The following ASIC2 variants were observed in gnomAD, a reference collection of about 807,000 sequenced individuals.
ASIC2 encodes the protein acid sensing ion channel subunit 2.
Under a neutral mutation model 57.3 loss-of-function variants are expected in ASIC2, and 25 were observed. The ratio of observed to expected loss-of-function variants is 0.44; its 90% CI spans 0.32 to 0.61. The LOEUF (loss-of-function observed/expected upper bound fraction) is 0.61. Among genes scored for constraint, ASIC2 ranks in the 20% least tolerant of loss-of-function variants. The pLI is 0.06. For missense variants in ASIC2, 641 were observed against 738.1 expected, an observed-to-expected ratio of 0.87 and a Z score of 1.52; for synonymous variants, 319 against 307.5, an observed-to-expected ratio of 1.04 and a Z score of -0.39.
At chr17:33,073,362 G>C (rs1179389962) in intron 3 of ASIC2, among the ~76,000 whole-genome samples, 1 of 152,176 alleles carries the variant, frequency 6.6e-6, no homozygotes. Context: ...GAAGGCTCTG[G>C]TCCCTTTGCT....
chr17:33,089,175 A>G (rs938369080), intron 2 of ASIC2, among the ~76,000 whole-genome samples, 185 bp from the exon 3 acceptor site: 1 of 152,214 alleles, frequency 6.6e-6, no homozygotes. Context: ...CAAAAGGGAC[A>G]TTGCAGGTGT....
intron 1 of ASIC2, among the ~76,000 whole-genome samples, chr17:33,677,619 G>A (rs575525902): frequency 6.6e-6 from 1 of 152,112 alleles, no homozygotes; most frequent in Non-Finnish European, 1.5e-5. Flanking sequence ...CAACTCTCAC[G>A]GATGGCTTTG....
At chr17:33,438,369 A>G (rs1911702322) in intron 1 of ASIC2, among the ~76,000 whole-genome samples, 1 of 152,240 alleles carries the variant, frequency 6.6e-6, no homozygotes, top group Admixed American at 6.5e-5. Context: ...TTACATAGAC[A>G]GTCCAAGGTT....
chr17:33,657,511 C>T (rs1406056755), intron 1 of ASIC2, among the ~76,000 whole-genome samples: 2 of 152,200 alleles, frequency 1.3e-5, no homozygotes, highest in African/African-American at 4.8e-5. Flanking sequence ...ATTGGGGGTC[C>T]TGAGCCAGCT....
At chr17:34,036,499 G>A (rs1023047780) in intron 1 of ASIC2, among the ~76,000 whole-genome samples, 4 of 150,748 alleles carry the variant, frequency 2.7e-5, no homozygotes, top group South Asian at 2.1e-4. Flanking sequence ...TTGTGCACAC[G>A]TACCCTAAAA....
intron 1 of ASIC2, among the ~76,000 whole-genome samples, chr17:33,309,673 C>T (rs901781748): frequency 1.3e-5 from 2 of 152,020 alleles, no homozygotes; most frequent in Non-Finnish European, 2.9e-5. Flanking sequence ...CAATACTGTC[C>T]ACAAAGCTGA....
chr17:34,156,140 G>A lies in ASIC2; in HGVS notation c.393C>T (p.Pro131=). ...TCTGCCGCAGGGCCTCCAGCACGGA[G>A]GGGTCAGCCAGATGGGGGTCCGGGA... Residue 131 remains proline, a synonymous_variant, in exon 1 of 10, where the codon CCC becomes CCT. Coordinates refer to the ASIC2 transcript ENST00000359872. The surrounding 1 kb of genome is among the most constrained non-coding windows in gnomAD (Gnocchi z 4.4). 1 of 1,614,138 alleles carries A rather than the reference G, an allele frequency of 6.2e-7. No homozygotes were observed. Among genetic ancestry groups the A allele is most frequent in the Non-Finnish European group, 8.5e-7 (1 of 1,180,032 alleles).
At chr17:33,915,867 G>A (rs1437248849) in intron 1 of ASIC2, among the ~76,000 whole-genome samples, 1 of 152,194 alleles carries the variant, frequency 6.6e-6, no homozygotes, top group African/African-American at 2.4e-5. Context: ...TTGTGGGGAA[G>A]ATGGCATAGG....
intron 1 of ASIC2, among the ~76,000 whole-genome samples, chr17:33,878,865 G>T (rs1394963901): frequency 6.6e-6 from 1 of 152,138 alleles, no homozygotes; most frequent in Admixed American, 6.5e-5. Context: ...GAGAAAGGTC[G>T]GGTTACCCAC....
chr17:33,232,987 C>T (rs1241693065), intron 1 of ASIC2, among the ~76,000 whole-genome samples: 1 of 152,072 alleles, frequency 6.6e-6, no homozygotes, highest in East Asian at 1.9e-4. Flanking sequence ...GGAGTGAGGC[C>T]TGTCTTTCAC....
Position 33,809,153 on chromosome 17 carries a change from G to A in ASIC2, c.555+346825C>T, listed in dbSNP as rs113974554. 1.1e-3 allele frequency among the ~76,000 whole-genome samples: 161 copies of A among 152,238 alleles called. 1 individual carries two copies. The highest frequency in any genetic ancestry group is 3.7e-3 in the African/African-American group (152 of 41,548). On this transcript the variant is annotated intron_variant, in intron 1 of 9. Transcript: ENST00000359872. ...TCAGAGTGACCTCTGGATCCACATC[G>A]CAGCCTCAGTGGCACTGTCCTCTGT...
Position 33,175,893 on chromosome 17 carries a change from C to T in ASIC2, c.709-63826G>A, listed in dbSNP as rs562426194. On this transcript the variant is annotated intron_variant, in intron 1 of 9. Transcript: ENST00000225823. ...AAATATAAATCTGAATTTGCCATGC[C>T]TCTGTTTGACATCCCTCCCCACTGT... Among the ~76,000 whole-genome samples, 120 of 152,254 alleles carry T rather than the reference C, an allele frequency of 7.9e-4. 1 individual carries two copies. Among genetic ancestry groups the T allele is most frequent in the African/African-American group, 2.8e-3 (117 of 41,550 alleles).
chr17:33,330,377 G>A (rs141831), intron 1 of ASIC2, among the ~76,000 whole-genome samples: 126,242 of 152,126 alleles, frequency 0.83, 52,437 homozygotes, highest in East Asian at 1. Context: ...CAGGGAGGCT[G>A]CTGGGGACCA....
intron 1 of ASIC2, among the ~76,000 whole-genome samples, chr17:33,587,571 TGATTGGCTTA>T (rs1904679445): frequency 6.6e-6 from 1 of 152,234 alleles, no homozygotes; most frequent in Admixed American, 6.5e-5. Context: ...TTGACTGCCA[TGATTGGCTTA>T]GATTGGCTTA....
chr17:33,926,475 A>T (rs1915824418), intron 1 of ASIC2, among the ~76,000 whole-genome samples: 1 of 152,208 alleles, frequency 6.6e-6, no homozygotes. Context: ...GCCTGAAGAT[A>T]ATTTTATACA....
At chr17:33,920,053 C>T (rs1051556408) in intron 1 of ASIC2, among the ~76,000 whole-genome samples, 1 of 152,150 alleles carries the variant, frequency 6.6e-6, no homozygotes, top group Non-Finnish European at 1.5e-5. Flanking sequence ...GAAAAGGGAA[C>T]ACTTATACAC....
At chr17:33,567,193 C>A (rs1391743127) in intron 1 of ASIC2, among the ~76,000 whole-genome samples, 2 of 151,996 alleles carry the variant, frequency 1.3e-5, no homozygotes, top group African/African-American at 4.8e-5. Flanking sequence ...GGGGAAGTCT[C>A]TGAGCTGAGA....
intron 8 of ASIC2, among the ~76,000 whole-genome samples, chr17:33,016,334 C>T (rs2091805694): frequency 1.3e-5 from 2 of 152,168 alleles, no homozygotes; most frequent in African/African-American, 4.8e-5. Context: ...GTGGTGTGTG[C>T]TGGTATGCTG....
intron 1 of ASIC2, among the ~76,000 whole-genome samples, chr17:33,124,695 A>G (rs2092316466): frequency 1.3e-5 from 2 of 152,172 alleles, no homozygotes; most frequent in South Asian, 4.2e-4. Context: ...TTTTACATGG[A>G]CTGGGGAGAA....
Sources: gnomAD v4.1 joint callset for allele counts (sites outside exome capture counted in the v4.1 genomes callset) on GRCh38, gnomAD v4.1.1 for gene constraint, Gnocchi (gnomAD v3.1) non-coding constraint, MANE v1.5 for transcripts, NCBI Gene and HGNC (gene_info 2026-07-23, HGNC 2026-07-21) for gene names.